DPY19L2: variants seen among roughly 807,000 people sequenced by gnomAD.
DPY19L2 encodes the protein probable C-mannosyltransferase DPY19L2.
Under a neutral mutation model 97.9 loss-of-function variants are expected in DPY19L2, and 34 were observed. That is an observed-to-expected ratio of 0.35 (90% CI 0.26 to 0.46). The LOEUF is 0.46. Among genes scored for constraint, DPY19L2 ranks in the 20% least tolerant of loss-of-function variants. DPY19L2 has a pLI of 1.00. For synonymous variants in DPY19L2, 230 were observed against 307.9 expected, an observed-to-expected ratio of 0.75 and a Z score of 2.65; for missense variants, 623 against 911.4, an observed-to-expected ratio of 0.68 and a Z score of 4.07.
At chr12:63,622,470 G>A (rs1406883696) in intron 8 of DPY19L2, among the ~76,000 whole-genome samples, 1 of 152,136 alleles carries the variant, frequency 6.6e-6, no homozygotes, top group Non-Finnish European at 1.5e-5. Context: ...TCAGAAGTTA[G>A]CCTGCTCCAT....
At chr12:63,572,138 C>G (rs1451140781) in intron 19 of DPY19L2, among the ~76,000 whole-genome samples, 1 of 152,188 alleles carries the variant, frequency 6.6e-6, no homozygotes, top group African/African-American at 2.4e-5. Flanking sequence ...GATTCCAGGC[C>G]TTGGCTCTTG....
At chr12:63,632,116 T>C (rs568108545) in intron 6 of DPY19L2, among the ~76,000 whole-genome samples, 5 of 152,246 alleles carry the variant, frequency 3.3e-5, no homozygotes, top group East Asian at 1.9e-4. Context: ...TCATACTGAA[T>C]AGGCAAAACC....
chr12:63,576,512 T>C (rs1879853309), intron 19 of DPY19L2, among the ~76,000 whole-genome samples: 2 of 151,918 alleles, frequency 1.3e-5, no homozygotes, highest in Non-Finnish European at 2.9e-5. Context: ...TTATCATTGT[T>C]TGCAGATGAT....
intron 9 of DPY19L2, among the ~76,000 whole-genome samples, 166 bp downstream of exon 9, chr12:63,621,072 T>A (rs2137800820): frequency 6.6e-6 from 1 of 151,758 alleles, no homozygotes; most frequent in East Asian, 1.9e-4. Context: ...GGGGAAAACA[T>A]TAGGAAAAAC....
intron 6 of DPY19L2, among the ~76,000 whole-genome samples, chr12:63,632,660 A>G (rs1212735875): frequency 1.3e-5 from 2 of 152,180 alleles, no homozygotes; most frequent in East Asian, 1.9e-4. Flanking sequence ...TATAGATTCA[A>G]TGGAATCCCC....
chr12:63,578,560 C>T (rs1880301790), intron 19 of DPY19L2, among the ~76,000 whole-genome samples: 1 of 151,950 alleles, frequency 6.6e-6, no homozygotes, highest in South Asian at 2.1e-4. Flanking sequence ...TCAAAATATC[C>T]CATCTACCCC....
At chr12:63,591,754 C>CA (rs1882959441) in intron 16 of DPY19L2, among the ~76,000 whole-genome samples, 1 of 151,154 alleles carries the variant, frequency 6.6e-6, no homozygotes, top group Admixed American at 6.6e-5. Flanking sequence ...AAAGCCTGAC[C>CA]AACACGGTGA....
At chr12:63,634,727 C>A (rs1031565157) in intron 6 of DPY19L2, among the ~76,000 whole-genome samples, 52 of 152,256 alleles carry the variant, frequency 3.4e-4, no homozygotes, top group African/African-American at 1.2e-3. Context: ...GGCAGTGAGG[C>A]TGGTGGAGGG....
chr12:63,630,699 G>A (rs1231778364), intron 6 of DPY19L2, among the ~76,000 whole-genome samples: 1 of 151,878 alleles, frequency 6.6e-6, no homozygotes, highest in African/African-American at 2.4e-5. Flanking sequence ...ATTGAACTCA[G>A]CTCTGCACCA....
chr12:63,646,041 C>T (rs1022536625), intron 5 of DPY19L2, among the ~76,000 whole-genome samples: 1 of 152,086 alleles, frequency 6.6e-6, no homozygotes, highest in African/African-American at 2.4e-5. Flanking sequence ...TCTCTTGTTT[C>T]AGGGTATTTG....
At chr12:63,594,464 A>AGAGTGTGT (rs1555189197) in intron 15 of DPY19L2, among the ~76,000 whole-genome samples, 39 of 124,922 alleles carry the variant, frequency 3.1e-4, no homozygotes, top group African/African-American at 5.0e-4. Context: ...AGAGAGAGAT[A>AGAGTGTGT]GTGTGTGTGT....
chr12:63,649,556 G>A (rs1893895619), intron 4 of DPY19L2, among the ~76,000 whole-genome samples: 1 of 152,054 alleles, frequency 6.6e-6, no homozygotes, highest in Admixed American at 6.6e-5. Flanking sequence ...ACAACTCTAT[G>A]GACACAAACT....
rs1410694230 is a variant in DPY19L2 at position 63,596,001 on chromosome 12, C to T, written c.1498G>A (p.Val500Ile). Residue 500 changes from valine to isoleucine, a missense_variant, in exon 15 of 22, where the codon GTT becomes ATT. Physicochemically the swap from Val to Ile is conservative, Grantham distance 29. Coordinates refer to ENST00000324472, the MANE Select transcript of DPY19L2 (RefSeq NM_173812.5). The stretch of plus-strand genomic sequence containing the variant: ...ATAAAACATGTAATCACCATAACAA[C>T]TGGAAGCAATAATGTCTTTGTGTAT... ...LRYTKTLLLP[V>I]VMVITCFIFK... 1.9e-6 allele frequency: 3 copies of T among 1,599,698 alleles called. No homozygotes were observed. The East Asian group carries it at 6.8e-5, about 36-fold the overall frequency.
At position 63,626,450 on chromosome 12, in the gene DPY19L2, T is replaced by C. The variant is rs1889544334; in HGVS notation, c.861+19A>G. 6.4e-7 allele frequency: 1 copy of C among 1,564,190 alleles called. No homozygotes were observed. On this transcript the variant is annotated intron_variant, in intron 7 of 21. Transcript: ENST00000324472. ...ACAGCCTCTTCTATTTCTTAAAAAT[T>C]GCTTTCTAGAAAACAAACCTCTCCA...
intron 12 of DPY19L2, among the ~76,000 whole-genome samples, chr12:63,607,392 T>A (rs890939027): frequency 6.6e-6 from 1 of 152,182 alleles, no homozygotes; most frequent in Non-Finnish European, 1.5e-5. Context: ...AGCCTGCATG[T>A]CTAAGGACAG....
intron 11 of DPY19L2, among the ~76,000 whole-genome samples, chr12:63,612,034 C>G (rs191828790): frequency 2.0e-5 from 3 of 151,988 alleles, no homozygotes; most frequent in Admixed American, 6.5e-5. Context: ...CTAGGAATAG[C>G]TAGAGAAGTA....
At chr12:63,595,725 A>G (rs976846155) in intron 15 of DPY19L2, among the ~76,000 whole-genome samples, 4 of 152,120 alleles carry the variant, frequency 2.6e-5, no homozygotes, top group Non-Finnish European at 5.9e-5. Context: ...GTGTACCTAC[A>G]ATGTTAATGT....
intron 13 of DPY19L2, among the ~76,000 whole-genome samples, chr12:63,599,108 G>C (rs1884713183): frequency 6.6e-6 from 1 of 151,676 alleles, no homozygotes; most frequent in African/African-American, 2.4e-5. Flanking sequence ...AGGAGATGGA[G>C]GTTGCTGTGA....
intron 6 of DPY19L2, among the ~76,000 whole-genome samples, chr12:63,635,383 T>A (rs189646548): frequency 3.1e-4 from 47 of 152,230 alleles, no homozygotes; most frequent in African/African-American, 1.1e-3. Flanking sequence ...CCTCTTCTCC[T>A]CCAAAGGAGC....
Sources: gnomAD v4.1 joint callset for allele counts (sites outside exome capture counted in the v4.1 genomes callset) on GRCh38, gnomAD v4.1.1 for gene constraint, MANE v1.5 for transcripts, NCBI Gene and HGNC (gene_info 2026-07-23, HGNC 2026-07-21) for gene names.